The following DLGAP1 variants were observed in gnomAD, a reference collection of about 807,000 sequenced individuals.
DLGAP1 encodes the protein disks large-associated protein 1.
In DLGAP1, 11 loss-of-function variants were observed where a neutral mutation model predicts 90.8. That is an observed-to-expected ratio of 0.12 (90% CI 0.08 to 0.20). The LOEUF is 0.20. Among genes scored for constraint, DLGAP1 ranks in the 10% least tolerant of loss-of-function variants. The pLI is 1.00. For missense variants in DLGAP1, 1,050 were observed against 1,333.8 expected (o/e 0.79, Z 3.31); for synonymous variants, 558 against 540.7 (o/e 1.03, Z -0.44).
At chr18:4,074,421 A>C (rs1182149822) in intron 2 of DLGAP1, among the ~76,000 whole-genome samples, 1 of 152,106 alleles carries the variant, frequency 6.6e-6, no homozygotes, top group East Asian at 1.9e-4. Flanking sequence ...TGAGGGAGGG[A>C]GAATCTATTA....
chr18:4,196,600 T>G (rs2077501918), intron 1 of DLGAP1, among the ~76,000 whole-genome samples: 1 of 152,202 alleles, frequency 6.6e-6, no homozygotes, highest in Non-Finnish European at 1.5e-5. Flanking sequence ...TGCTGAGAAC[T>G]GATAGAGGAG....
intron 7 of DLGAP1, among the ~76,000 whole-genome samples, chr18:3,648,862 T>C (rs1044750854): frequency 5.9e-5 from 9 of 152,202 alleles, no homozygotes; most frequent in African/African-American, 2.2e-4. Context: ...TTGCCTTTGA[T>C]TTGTAAATGC....
At chr18:3,704,047 T>A (rs77329170) in intron 7 of DLGAP1, among the ~76,000 whole-genome samples, 3,213 of 152,164 alleles carry the variant, frequency 0.021, 120 homozygotes, top group African/African-American at 0.073. Context: ...ACAGATACTT[T>A]AAAAAATGTA....
At chr18:4,008,180 C>T (rs371508263) in intron 2 of DLGAP1, among the ~76,000 whole-genome samples, 16 of 151,182 alleles carry the variant, frequency 1.1e-4, no homozygotes, top group African/African-American at 3.9e-4. Context: ...GCCTGATGCC[C>T]CAAACAGAAC....
At chr18:3,522,099 CTT>C (rs373400380) in intron 10 of DLGAP1, among the ~76,000 whole-genome samples, 2 of 116,402 alleles carry the variant, frequency 1.7e-5, no homozygotes, top group Non-Finnish European at 1.8e-5. Flanking sequence ...CAAGTTTTGC[CTT>C]TTTTTTTTTA....
intron 3 of DLGAP1, among the ~76,000 whole-genome samples, chr18:3,891,273 C>G (rs2071451208): frequency 6.6e-6 from 1 of 152,160 alleles, no homozygotes; most frequent in Non-Finnish European, 1.5e-5. Context: ...GCAGGTCAAA[C>G]TTTTTTTGTT....
chr18:3,629,527 C>T (rs968212519), intron 7 of DLGAP1, among the ~76,000 whole-genome samples: 1 of 151,842 alleles, frequency 6.6e-6, no homozygotes, highest in Admixed American at 6.6e-5. Flanking sequence ...AAAAAATTAG[C>T]CGGGCGTGTT....
intron 2 of DLGAP1, among the ~76,000 whole-genome samples, chr18:4,070,818 TGA>T (rs530448489): frequency 6.6e-6 from 1 of 152,262 alleles, no homozygotes; most frequent in East Asian, 1.9e-4. Flanking sequence ...AAAGTCGTGT[TGA>T]GAGAATTTAA....
At chr18:3,833,729 A>G (rs1355378305) in intron 4 of DLGAP1, among the ~76,000 whole-genome samples, 2 of 152,236 alleles carry the variant, frequency 1.3e-5, no homozygotes, top group Admixed American at 6.5e-5. Flanking sequence ...GAGCATTCTC[A>G]TAGATGAATC....
intron 1 of DLGAP1, among the ~76,000 whole-genome samples, chr18:4,249,985 C>T (rs1185417177): frequency 6.6e-6 from 1 of 152,218 alleles, no homozygotes; most frequent in Non-Finnish European, 1.5e-5. Context: ...CCTTTAAGCT[C>T]ATATCCTTCA....
intron 1 of DLGAP1, among the ~76,000 whole-genome samples, chr18:4,453,330 G>A (rs1457813409): frequency 1.3e-5 from 2 of 151,220 alleles, no homozygotes; most frequent in Admixed American, 1.3e-4. Flanking sequence ...TTCTTTATAG[G>A]CTTGAATTTC....
chr18:4,276,020 A>T (rs2079404278), intron 1 of DLGAP1, among the ~76,000 whole-genome samples: 1 of 151,902 alleles, frequency 6.6e-6, no homozygotes, highest in Non-Finnish European at 1.5e-5. Flanking sequence ...GGAGCAGAAA[A>T]AAGAGAGAGG....
At chr18:4,112,124 T>C (rs962344202) in intron 2 of DLGAP1, among the ~76,000 whole-genome samples, 5 of 152,124 alleles carry the variant, frequency 3.3e-5, no homozygotes, top group South Asian at 4.1e-4. Flanking sequence ...TTTTGGTACG[T>C]TGTACTTTAA....
At chr18:3,897,948 C>T (rs913139709) in intron 3 of DLGAP1, among the ~76,000 whole-genome samples, 39 of 151,616 alleles carry the variant, frequency 2.6e-4, no homozygotes, top group African/African-American at 9.2e-4. Context: ...GCGCCCGCCA[C>T]CGCGCCCGGC....
intron 5 of DLGAP1, among the ~76,000 whole-genome samples, chr18:3,777,800 T>A (rs2148086179): frequency 6.6e-6 from 1 of 152,324 alleles, no homozygotes; most frequent in South Asian, 2.1e-4. Context: ...AATGACATAA[T>A]TGGACTAATA....
chr18:3,991,655 A>T (rs1456496024), intron 3 of DLGAP1, among the ~76,000 whole-genome samples: 3 of 152,198 alleles, frequency 2.0e-5, no homozygotes, highest in Admixed American at 6.5e-5. Flanking sequence ...GCTATGCCTG[A>T]TTTGGGCTGA....
At chr18:4,419,686 T>C (rs1028926711) in intron 1 of DLGAP1, among the ~76,000 whole-genome samples, 1 of 152,012 alleles carries the variant, frequency 6.6e-6, no homozygotes, top group Non-Finnish European at 1.5e-5. Context: ...CCTTACATAA[T>C]GCATGCAGTG....
Position 4,184,390 on chromosome 18 carries a change from A to C in DLGAP1, c.-266-33103T>G, listed in dbSNP as rs546359077. ...CCAGATAACTAGGTCTTTCCTGGCT[A>C]ATGCTGCATTAAAATACATAGTCTC... On this transcript the variant is annotated intron_variant, in intron 1 of 12. Coordinates refer to ENST00000315677, the MANE Select transcript of DLGAP1 (RefSeq NM_004746.4). Among the ~76,000 whole-genome samples, 46 of 152,260 alleles carry C rather than the reference A, an allele frequency of 3.0e-4. No individual in the cohort carries two copies. The South Asian group carries it at 4.6e-3, about 15-fold the overall frequency.
intron 3 of DLGAP1, among the ~76,000 whole-genome samples, chr18:3,929,119 CCT>C (rs1870715874): frequency 6.6e-6 from 1 of 152,158 alleles, no homozygotes; most frequent in African/African-American, 2.4e-5. Context: ...GCCAGCTAAA[CCT>C]CTTTTTCTTT....
Sources: gnomAD v4.1 joint callset for allele counts (sites outside exome capture counted in the v4.1 genomes callset) on GRCh38, gnomAD v4.1.1 for gene constraint, MANE v1.5 for transcripts, NCBI Gene and HGNC (gene_info 2026-07-23, HGNC 2026-07-21) for gene names.